GARIN2: variants seen among roughly 807,000 people sequenced by gnomAD.
GARIN2 encodes golgi associated RAB2 interactor family member 2, also known as Golgi-associated RAB2 interactor protein 2.
the GARIN2 span, among the ~76,000 whole-genome samples, chr14:67,192,925 T>C: frequency 1.4e-5 from 2 of 145,812 alleles, no homozygotes; most frequent in Non-Finnish European, 3.0e-5. Flanking sequence ...TATATATGTA[T>C]ATATAGATAT....
the GARIN2 span, among the ~76,000 whole-genome samples, chr14:67,190,439 T>C: frequency 6.6e-6 from 1 of 151,898 alleles, no homozygotes; most frequent in African/African-American, 2.4e-5. Context: ...GCCAGGCTGG[T>C]CTCGAACTCC....
the GARIN2 span, among the ~76,000 whole-genome samples, chr14:67,193,194 CTATA>C: frequency 0.01 from 1,399 of 137,312 alleles, 36 homozygotes; most frequent in African/African-American, 0.035. Flanking sequence ...AGACATCTAT[CTATA>C]TATCTCTATA....
At chr14:67,199,541 G>A in the GARIN2 span, 1 of 1,609,566 alleles carries the variant, frequency 6.2e-7, no homozygotes, top group Non-Finnish European at 8.5e-7. Context: ...AGCAATTGAA[G>A]CCATGAATGG....
chr14:67,197,302 G>C, the GARIN2 span: 1 of 152,154 alleles, frequency 6.6e-6, no homozygotes, highest in Non-Finnish European at 1.5e-5. Flanking sequence ...AGCTCAAACT[G>C]AAGTGAGTTA....
chr14:67,225,044 CT>C, the GARIN2 span: 32 of 1,390,400 alleles, frequency 2.3e-5, no homozygotes, highest in East Asian at 5.2e-5. Flanking sequence ...CTGCTTTTGG[CT>C]TTTTTTCTTT....
the GARIN2 span, among the ~76,000 whole-genome samples, chr14:67,212,633 A>ACAC: frequency 6.9e-6 from 1 of 145,754 alleles, no homozygotes; most frequent in African/African-American, 2.5e-5. Context: ...TATTATATAT[A>ACAC]ATATATATTA....
chr14:67,221,966 C>T, the GARIN2 span: 3 of 836,414 alleles, frequency 3.6e-6, no homozygotes, highest in Non-Finnish European at 3.5e-6. Context: ...GAATCCTATA[C>T]TGAAGAAACT....
chr14:67,194,768 C>T, the GARIN2 span, among the ~76,000 whole-genome samples: 1 of 152,186 alleles, frequency 6.6e-6, no homozygotes. Flanking sequence ...AGTGATTCTC[C>T]TGCCTCAGTC....
At chr14:67,205,019 T>C in the GARIN2 span, 1,404 of 1,554,858 alleles carry the variant, frequency 9.0e-4, no homozygotes, top group Non-Finnish European at 1.2e-3. Context: ...AGCTCTGATA[T>C]TACAAACTGC....
the GARIN2 span, among the ~76,000 whole-genome samples, chr14:67,193,954 C>CAAAAAAAAAAACA: frequency 1.3e-3 from 111 of 85,736 alleles, 1 homozygote; most frequent in African/African-American, 4.3e-3. Flanking sequence ...CAAAAAAAAA[C>CAAAAAAAAAAACA]AAAAAAAAAA....
At chr14:67,227,798 T>A in the GARIN2 span, 17 of 152,208 alleles carry the variant, frequency 1.1e-4, no homozygotes. Flanking sequence ...TAAAAGCCCA[T>A]AATCTTAATC....
chr14:67,208,045 G>T, the GARIN2 span: 1 of 661,684 alleles, frequency 1.5e-6, no homozygotes, highest in Non-Finnish European at 1.9e-6. Flanking sequence ...CTCTCCCAAT[G>T]GTCGTGCCAT....
the GARIN2 span, among the ~76,000 whole-genome samples, chr14:67,212,877 GA>G: frequency 6.7e-6 from 1 of 150,146 alleles, no homozygotes; most frequent in African/African-American, 2.5e-5. Flanking sequence ...CACAATCCCA[GA>G]GCCTCTAGAT....
chr14:67,189,531 CAGG>C, the GARIN2 span: 3 of 152,168 alleles, frequency 2.0e-5, no homozygotes, highest in Non-Finnish European at 4.4e-5. Context: ...AGTCGACATC[CAGG>C]AGATCTCCAG....
At chr14:67,195,901 G>A in the GARIN2 span, among the ~76,000 whole-genome samples, 1 of 152,024 alleles carries the variant, frequency 6.6e-6, no homozygotes, top group Non-Finnish European at 1.5e-5. Flanking sequence ...CTCCTAGAGA[G>A]GCCTTTAGAA....
At chr14:67,212,518 G>A in the GARIN2 span, among the ~76,000 whole-genome samples, 1 of 150,242 alleles carries the variant, frequency 6.7e-6, no homozygotes, top group Non-Finnish European at 1.5e-5. Flanking sequence ...CTAATCCTGG[G>A]GGGTTGAGGC....
chr14:67,206,999 T>C, the GARIN2 span, among the ~76,000 whole-genome samples: 1 of 152,154 alleles, frequency 6.6e-6, no homozygotes, highest in East Asian at 1.9e-4. Flanking sequence ...AAAAATATTC[T>C]ACCTTTAGCT....
the GARIN2 span, among the ~76,000 whole-genome samples, chr14:67,194,423 C>T: frequency 1.3e-5 from 2 of 151,644 alleles, no homozygotes; most frequent in South Asian, 2.1e-4. Flanking sequence ...GTAAAATATA[C>T]GATGATGAGG....
chr14:67,198,159 G>A, the GARIN2 span: 120 of 1,608,834 alleles, frequency 7.5e-5, no homozygotes, highest in African/African-American at 5.2e-4. Context: ...ATGTGCAAGC[G>A]CAATGAAGAA....
Sources: gnomAD v4.1 joint callset for allele counts (sites outside exome capture counted in the v4.1 genomes callset) on GRCh38, gnomAD v4.1.1 for gene constraint, MANE v1.5 for transcripts, NCBI Gene and HGNC (gene_info 2026-07-23, HGNC 2026-07-21) for gene names.